Variants in ELMO1 observed in about 807,000 individuals in gnomAD.
ELMO1 encodes the protein engulfment and cell motility protein 1.
In ELMO1, 26 loss-of-function variants were observed where a neutral mutation model predicts 98.9. That is an observed-to-expected ratio of 0.26 (90% CI 0.19 to 0.36). ELMO1 has a LOEUF of 0.36. Among genes scored for constraint, ELMO1 ranks in the 10% least tolerant of loss-of-function variants. The pLI is 1.00. For missense variants in ELMO1, 627 were observed against 935.2 expected, an observed-to-expected ratio of 0.67 and a Z score of 4.30; for synonymous variants, 346 against 346.0, an observed-to-expected ratio of 1.00 and a Z score of 0.00.
chr7:37,223,429 T>C (rs73690155), intron 9 of ELMO1, among the ~76,000 whole-genome samples: 13,654 of 152,226 alleles, frequency 0.09, 745 homozygotes, highest in East Asian at 0.23. Context: ...GGCTGAGACC[T>C]TGGACAAGTT....
rs1802330461 is a variant in ELMO1, at chr7:37,376,101, A to T, written c.-73-33338T>A. 4 of 337,378 alleles carry T rather than the reference A, an allele frequency of 1.2e-5. No homozygotes were observed. The Admixed American group carries it at 1.2e-4, about 10-fold the overall frequency. The allele number at this position is 337,378 out of a possible 1,614,324, so 20.9% of individuals were successfully genotyped here. ...AAAAAATGAACAAACAAACAAACAA[A>T]AAAAACACTGATTCTTACAGCTCTT... On this transcript the variant is annotated intron_variant, in intron 1 of 21. Transcript: ENST00000310758.
At chr7:36,882,169 G>A (rs1804521269) in intron 18 of ELMO1, among the ~76,000 whole-genome samples, 1 of 152,282 alleles carries the variant, frequency 6.6e-6, no homozygotes. Context: ...GGCTGACCCC[G>A]GGGGCCCTAA....
At chr7:37,372,983 G>A (rs1802176679) in intron 1 of ELMO1, among the ~76,000 whole-genome samples, 1 of 152,188 alleles carries the variant, frequency 6.6e-6, no homozygotes, top group Admixed American at 6.5e-5. Flanking sequence ...CTAAAGGGAA[G>A]AGCCAGACTT....
intron 16 of ELMO1, among the ~76,000 whole-genome samples, chr7:36,946,441 AAG>A (rs1353811625): frequency 3.9e-4 from 60 of 152,216 alleles, no homozygotes; most frequent in African/African-American, 1.3e-3. Context: ...TATGAAGACA[AAG>A]AGTTGTCAAG....
At chr7:37,401,839 AGACTCCT>A (rs1242227765) in intron 1 of ELMO1, among the ~76,000 whole-genome samples, 4 of 152,174 alleles carry the variant, frequency 2.6e-5, no homozygotes, top group African/African-American at 4.8e-5. Flanking sequence ...CATATGAGAG[AGACTCCT>A]TCCCTATACC....
chr7:36,901,323 G>A (rs1388900774), intron 16 of ELMO1, among the ~76,000 whole-genome samples: 1 of 152,154 alleles, frequency 6.6e-6, no homozygotes, highest in East Asian at 1.9e-4. Context: ...TAGCAGTTGA[G>A]GTTTCTGAAT....
At chr7:37,144,462 A>G (rs571695354) in intron 13 of ELMO1, among the ~76,000 whole-genome samples, 2 of 152,298 alleles carry the variant, frequency 1.3e-5, no homozygotes, top group East Asian at 3.9e-4. Flanking sequence ...CTTATTTATG[A>G]GATGCTTTGG....
chr7:37,259,082 G>T (rs1795842570), intron 6 of ELMO1, 99 bp downstream of exon 6: 1 of 1,356,940 alleles, frequency 7.4e-7, no homozygotes. Context: ...CCAAGGCTCT[G>T]GTCTTTAAAA....
chr7:36,978,137 A>G (rs1223367602), intron 16 of ELMO1, among the ~76,000 whole-genome samples: 1 of 152,194 alleles, frequency 6.6e-6, no homozygotes, highest in African/African-American at 2.4e-5. Flanking sequence ...AACAGTGGAT[A>G]TTAGCAAGTC....
At chr7:36,928,182 C>A (rs10240126) in intron 16 of ELMO1, among the ~76,000 whole-genome samples, 140,720 of 152,284 alleles carry the variant, frequency 0.92, 65,031 homozygotes, top group South Asian at 0.96. Flanking sequence ...GATTAACGCC[C>A]GGATTCGTAA....
At chr7:37,005,377 C>CA (rs1046199557) in intron 16 of ELMO1, among the ~76,000 whole-genome samples, 1 of 151,792 alleles carries the variant, frequency 6.6e-6, no homozygotes, top group African/African-American at 2.4e-5. Flanking sequence ...CTGAGACCAC[C>CA]ACGGCAGCAC....
chr7:37,303,913 C>G (rs957788844), intron 4 of ELMO1, among the ~76,000 whole-genome samples: 1 of 152,172 alleles, frequency 6.6e-6, no homozygotes, highest in African/African-American at 2.4e-5. Flanking sequence ...TAGCCTCTAT[C>G]CAACCGTCAG....
At chr7:37,161,639 G>A (rs1267560432) in intron 13 of ELMO1, among the ~76,000 whole-genome samples, 2 of 151,652 alleles carry the variant, frequency 1.3e-5, no homozygotes, top group African/African-American at 2.4e-5. Context: ...CATCTTACCT[G>A]ACTTTTGAGT....
intron 16 of ELMO1, chr7:36,985,999 C>T: frequency 1.0e-6 from 1 of 1,002,754 alleles, no homozygotes; most frequent in Non-Finnish European, 1.2e-6. Flanking sequence ...GACTTAGAGT[C>T]GTCCCCCTGA....
intron 1 of ELMO1, among the ~76,000 whole-genome samples, chr7:37,437,585 C>G (rs1805202473): frequency 1.3e-5 from 2 of 152,196 alleles, no homozygotes; most frequent in Admixed American, 6.5e-5. Context: ...AAGGAATGAT[C>G]AAATCAGGCT....
At chr7:36,935,129 T>C (rs933716698) in intron 16 of ELMO1, among the ~76,000 whole-genome samples, 20 of 152,274 alleles carry the variant, frequency 1.3e-4, no homozygotes, top group Admixed American at 1.0e-3. Flanking sequence ...TGGGAGATAA[T>C]TGAATCATGG....
intron 1 of ELMO1, among the ~76,000 whole-genome samples, chr7:37,346,928 C>T (rs1161682104): frequency 1.3e-5 from 2 of 152,148 alleles, no homozygotes; most frequent in Admixed American, 6.5e-5. Context: ...AATACAATAA[C>T]GTGGCTCCAG....
At chr7:37,147,336 C>T (rs1216171897) in intron 13 of ELMO1, among the ~76,000 whole-genome samples, 1 of 152,104 alleles carries the variant, frequency 6.6e-6, no homozygotes, top group Non-Finnish European at 1.5e-5. Flanking sequence ...CTTTGCCTGG[C>T]CTCCTTAACA....
intron 14 of ELMO1, among the ~76,000 whole-genome samples, chr7:37,124,598 G>A (rs370339055): frequency 9.9e-5 from 15 of 152,184 alleles, no homozygotes; most frequent in South Asian, 2.1e-4. Flanking sequence ...GGACCTCTTC[G>A]AGGAGAACAA....
Sources: gnomAD v4.1 joint callset for allele counts (sites outside exome capture counted in the v4.1 genomes callset) on GRCh38, gnomAD v4.1.1 for gene constraint, MANE v1.5 for transcripts, NCBI Gene and HGNC (gene_info 2026-07-23, HGNC 2026-07-21) for gene names.